The following SLAMF1 variants were observed in gnomAD, a reference collection of about 807,000 sequenced individuals.
SLAMF1 encodes the protein signaling lymphocytic activation molecule family member 1.
In SLAMF1, 18 loss-of-function variants were observed where a neutral mutation model predicts 35.1. The ratio of observed to expected loss-of-function variants is 0.51; its 90% CI spans 0.35 to 0.76. SLAMF1 has a LOEUF of 0.76. Ranked by LOEUF, SLAMF1 falls within the 30% of genes least tolerant of loss-of-function variation. SLAMF1 has a pLI of 0.01. For synonymous variants in SLAMF1, 168 were observed against 157.2 expected (o/e 1.07, Z -0.51); for missense variants, 392 against 413.0 (o/e 0.95, Z 0.44).
intron 1 of SLAMF1, among the ~76,000 whole-genome samples, chr1:160,641,760 C>T (rs371876761): frequency 4.6e-5 from 7 of 152,168 alleles, no homozygotes; most frequent in Non-Finnish European, 8.8e-5. Flanking sequence ...TAAAACCCCT[C>T]GAGTGGCGTC....
chr1:160,642,316 A>G lies in SLAMF1; in HGVS notation c.76+4554T>C, dbSNP rs76790958. ...GGCTATAACCACTCTTTATTTGCCT[A>G]GCTAACAACTTCCATCTTTCTGGTC... On this transcript the variant is annotated intron_variant, in intron 1 of 6. Transcript: ENST00000302035. This position sits in a 1 kb window ranked among gnomAD's most constrained non-coding sequence, Gnocchi z 4.2. Among the ~76,000 whole-genome samples the G allele has an allele frequency of 8.2e-3, 1,248 of 152,304 alleles. 20 individuals carry two copies. The highest frequency in any genetic ancestry group is 0.028 in the African/African-American group (1,169 of 41,556).
intron 1 of SLAMF1, among the ~76,000 whole-genome samples, chr1:160,638,065 C>T (rs1242467562): frequency 2.0e-5 from 3 of 152,092 alleles, no homozygotes; most frequent in Admixed American, 6.5e-5. Flanking sequence ...GGAATCCTCT[C>T]TCTCCAAACA....
Position 160,609,741 on chromosome 1 carries a change from G to A in SLAMF1, c.*1007C>T, listed in dbSNP as rs1658879807. 6.6e-6 allele frequency: 1 copy of A among 152,162 alleles called. No homozygotes were observed. Among genetic ancestry groups the A allele is most frequent in the African/African-American group, 2.4e-5 (1 of 41,434 alleles). The allele number at this position is 152,162 out of a possible 1,614,324, so 9.4% of individuals were successfully genotyped here. A position where few individuals can be genotyped will look rare whatever the true frequency, so the allele number is the denominator to read the frequency against. On this transcript the variant is annotated 3_prime_UTR_variant, in exon 7 of 7. Coordinates refer to ENST00000302035, the MANE Select transcript of SLAMF1 (RefSeq NM_003037.5). ...ACCAAAATAACTTAATTTTCTACTAGAGGATAAATTTAGTGTGAGGAGAGG... is the reference window on the plus strand; with the variant it reads ...ACCAAAATAACTTAATTTTCTACTAAAGGATAAATTTAGTGTGAGGAGAGG...
At chr1:160,646,677 T>C (rs551391250) in intron 1 of SLAMF1, among the ~76,000 whole-genome samples, 193 bp downstream of exon 1, 1 of 152,184 alleles carries the variant, frequency 6.6e-6, no homozygotes, top group Non-Finnish European at 1.5e-5. Flanking sequence ...GGGCTGAGTC[T>C]TGGAAACCCA....
intron 1 of SLAMF1, among the ~76,000 whole-genome samples, chr1:160,644,269 A>G (rs1660913231): frequency 6.6e-6 from 1 of 152,162 alleles, no homozygotes; most frequent in Admixed American, 6.5e-5. Context: ...CTGCTTCCCA[A>G]ACATAGGCTT....
intron 5 of SLAMF1, among the ~76,000 whole-genome samples, chr1:160,614,776 G>A (rs1659202401): frequency 6.6e-6 from 1 of 152,162 alleles, no homozygotes; most frequent in Non-Finnish European, 1.5e-5. Flanking sequence ...GACTCTGTGT[G>A]TGCTTAAATG....
chr1:160,638,084 T>TAGTTAATAATGTCG (rs1389999024), intron 1 of SLAMF1, among the ~76,000 whole-genome samples: 1 of 152,084 alleles, frequency 6.6e-6, no homozygotes, highest in Non-Finnish European at 1.5e-5. Context: ...CACCCTGAGA[T>TAGTTAATAATGTCG]AGTTAATAAT....
chr1:160,611,385 A>C (rs550222241), intron 6 of SLAMF1, among the ~76,000 whole-genome samples: 26 of 152,328 alleles, frequency 1.7e-4, no homozygotes, highest in African/African-American at 5.3e-4. Flanking sequence ...TGAAGCTTTG[A>C]AGTCAGGTTT....
intron 1 of SLAMF1, 26 bp from the exon 2 acceptor site, chr1:160,637,555 C>A: frequency 6.5e-7 from 1 of 1,542,894 alleles, no homozygotes; most frequent in Admixed American, 1.7e-5. Context: ...GAAGAGAGTC[C>A]CTTATTATTA....
At position 160,646,864 on chromosome 1, in the gene SLAMF1, A is replaced by G; in HGVS notation, c.76+6T>C. On this transcript the variant is annotated splice_donor_region_variant and intron_variant, in intron 1 of 6. Coordinates refer to ENST00000302035, the MANE Select transcript of SLAMF1 (RefSeq NM_003037.5). ...GACTCAAACCATCAGGCAGATGAAC[A>G]CTCACCTGTTCCGTAGCTTGCCCCA... 1 of 1,551,646 alleles carries G rather than the reference A, an allele frequency of 6.4e-7. No individual in the cohort carries two copies. Among genetic ancestry groups the G allele is most frequent in the African/African-American group, 1.4e-5 (1 of 73,868 alleles).
At position 160,612,564 on chromosome 1, in the gene SLAMF1, A is replaced by C. The variant is rs1447408215; in HGVS notation, c.881T>G (p.Leu294Arg). ...VQKPGPLQKK[L>R]DSFPAQDPCT... ...AGGGTCCTGAGCTGGGAAGGAGTCA[A>C]GTTTCTTCTGAAGAGGCTACAAGAG... Residue 294 changes from leucine (L) to arginine (R), a missense_variant, in exon 6 of 7, where the codon CTT becomes CGT. Coordinates refer to ENST00000302035, the MANE Select transcript of SLAMF1 (RefSeq NM_003037.5). The C allele has an allele frequency of 1.2e-6, 2 of 1,611,864 alleles. No homozygotes were observed. The highest frequency in any genetic ancestry group is 8.5e-7 in the Non-Finnish European group (1 of 1,178,430).
At chr1:160,611,662 T>C (rs1658993758) in intron 6 of SLAMF1, among the ~76,000 whole-genome samples, 1 of 152,250 alleles carries the variant, frequency 6.6e-6, no homozygotes, top group African/African-American at 2.4e-5. Context: ...GAAAGATTCC[T>C]GTCCGAAGTA....
intron 5 of SLAMF1, among the ~76,000 whole-genome samples, chr1:160,618,572 A>G (rs188276924): frequency 3.2e-4 from 48 of 152,340 alleles, no homozygotes; most frequent in African/African-American, 9.6e-4. Flanking sequence ...AGTAGAGAAC[A>G]GACTCCAGTC....
chr1:160,635,201 A>G (rs1056080974), intron 2 of SLAMF1, among the ~76,000 whole-genome samples: 3 of 152,166 alleles, frequency 2.0e-5, no homozygotes, highest in Non-Finnish European at 2.9e-5. Context: ...CCTGTCTCCT[A>G]TCAGTGGAGT....
intron 1 of SLAMF1, 56 bp downstream of exon 1, chr1:160,646,814 C>G: frequency 5.2e-6 from 5 of 957,924 alleles, no homozygotes; most frequent in Non-Finnish European, 5.1e-6. Context: ...CACGAAGATA[C>G]GCTGATTCCT....
chr1:160,635,784 A>T (rs1042714943), intron 2 of SLAMF1, among the ~76,000 whole-genome samples: 17 of 150,244 alleles, frequency 1.1e-4, no homozygotes, highest in African/African-American at 3.9e-4. Context: ...TTTCACCACC[A>T]TAGCCAGGAT....
chr1:160,615,797 CAG>C (rs957797084), intron 5 of SLAMF1: 18 of 278,298 alleles, frequency 6.5e-5, no homozygotes, highest in African/African-American at 3.2e-4. Flanking sequence ...GAAGAAGACA[CAG>C]AGAGGGAGGT....
intron 1 of SLAMF1, among the ~76,000 whole-genome samples, chr1:160,641,183 C>T (rs943271854): frequency 6.6e-6 from 1 of 152,074 alleles, no homozygotes; most frequent in Non-Finnish European, 1.5e-5. Flanking sequence ...TCTGGGAGCA[C>T]ATCCATAAAT....
At chr1:160,635,028 G>T in intron 2 of SLAMF1, 131 bp from the exon 3 acceptor site, 1 of 751,258 alleles carries the variant, frequency 1.3e-6, no homozygotes, top group Non-Finnish European at 2.2e-6. Flanking sequence ...ATTTCTAGTG[G>T]GGAATCTATT....
Sources: gnomAD v4.1 joint callset for allele counts (sites outside exome capture counted in the v4.1 genomes callset) on GRCh38, gnomAD v4.1.1 for gene constraint, Gnocchi (gnomAD v3.1) non-coding constraint, MANE v1.5 for transcripts, NCBI Gene and HGNC (gene_info 2026-07-23, HGNC 2026-07-21) for gene names.